LIMCH1: variants seen among roughly 807,000 people sequenced by gnomAD.
LIMCH1 encodes the protein LIM and calponin homology domains 1.
LIMCH1 carries 113 observed loss-of-function variants against 176.5 expected under a neutral mutation model. The observed-to-expected ratio is 0.64, with a 90% CI of 0.55 to 0.75. LIMCH1 has a LOEUF of 0.75. Among genes scored for constraint, LIMCH1 ranks in the 30% least tolerant of loss-of-function variants. LIMCH1 has a pLI of 0.00. For missense variants in LIMCH1, 1,674 were observed against 1,814.9 expected, an observed-to-expected ratio of 0.92 and a Z score of 1.41; for synonymous variants, 619 against 645.9, an observed-to-expected ratio of 0.96 and a Z score of 0.63.
chr4:41,378,086 C>T (rs559061314), intron 1 of LIMCH1, among the ~76,000 whole-genome samples: 1 of 152,298 alleles, frequency 6.6e-6, no homozygotes, highest in South Asian at 2.1e-4. Context: ...GGAGAGGTGA[C>T]AGCAATGGCT....
chr4:41,690,597 T>C (rs1724762969), intron 30 of LIMCH1, among the ~76,000 whole-genome samples: 1 of 152,214 alleles, frequency 6.6e-6, no homozygotes, highest in African/African-American at 2.4e-5. Flanking sequence ...TGGATTTTCT[T>C]TTATTTCTTG....
chr4:41,487,171 T>C (rs1309487515), intron 1 of LIMCH1, among the ~76,000 whole-genome samples: 7 of 152,200 alleles, frequency 4.6e-5, no homozygotes, highest in African/African-American at 1.7e-4. Flanking sequence ...GAATCTGTGT[T>C]TCTAACATGA....
At chr4:41,619,573 G>T (rs2092405097) in intron 6 of LIMCH1, 133 bp downstream of exon 6, 1 of 1,201,588 alleles carries the variant, frequency 8.3e-7, no homozygotes, top group Non-Finnish European at 1.2e-6. Context: ...AGGTGGGTGG[G>T]ACAGATCTTT....
chr4:41,552,807 A>G lies in LIMCH1; in HGVS notation c.-241+14457A>G, dbSNP rs78892352. ...ATTACTATTTGATTATGATAATTTT[A>G]AAGCATTATATAATCAGAAGTAAGA... On this transcript the variant is annotated intron_variant, in intron 1 of 31. Transcript: ENST00000503057. 2.0e-4 allele frequency among the ~76,000 whole-genome samples: 30 copies of G among 152,314 alleles called. No homozygotes were observed. The East Asian group carries it at 4.8e-3, about 24-fold the overall frequency.
intron 17 of LIMCH1, 45 bp from the exon 18 acceptor site, chr4:41,650,348 T>G: frequency 7.4e-7 from 1 of 1,347,842 alleles, no homozygotes; most frequent in Non-Finnish European, 1.1e-6. Context: ...CAGTCTTTGA[T>G]TGGGGTATAT....
At chr4:41,680,135 C>A (rs1358685762) in intron 24 of LIMCH1, 37 bp downstream of exon 24, 4 of 1,382,142 alleles carry the variant, frequency 2.9e-6, no homozygotes, top group Non-Finnish European at 2.0e-6. Flanking sequence ...ACCTTGTCAT[C>A]CCAATTCCTC....
At chr4:41,380,253 T>C (rs2055444415) in intron 1 of LIMCH1, among the ~76,000 whole-genome samples, 1 of 152,240 alleles carries the variant, frequency 6.6e-6, no homozygotes, top group Admixed American at 6.5e-5. Flanking sequence ...AAGTTTTGAT[T>C]AGTTCTGGAA....
chr4:41,674,607 A>G (rs892811641), intron 22 of LIMCH1, among the ~76,000 whole-genome samples: 2 of 151,682 alleles, frequency 1.3e-5, no homozygotes, highest in Admixed American at 1.3e-4. Context: ...TGTAAGTTGA[A>G]AATACTTTAA....
intron 17 of LIMCH1, among the ~76,000 whole-genome samples, chr4:41,649,267 G>T (rs544798865): frequency 1.3e-5 from 2 of 152,250 alleles, no homozygotes; most frequent in South Asian, 2.1e-4. Flanking sequence ...AGCCATGTTG[G>T]CATACGCCTG....
At chr4:41,527,601 C>T (rs1273762777) in intron 3 of LIMCH1, among the ~76,000 whole-genome samples, 1 of 152,014 alleles carries the variant, frequency 6.6e-6, no homozygotes, top group Non-Finnish European at 1.5e-5. Context: ...TTTGGGAGGC[C>T]GAGGCGGGCG....
chr4:41,460,319 T>C (rs1211788926), intron 1 of LIMCH1, among the ~76,000 whole-genome samples: 1 of 151,862 alleles, frequency 6.6e-6, no homozygotes, highest in African/African-American at 2.4e-5. Context: ...AGCGCAGATG[T>C]AGAATATTTT....
At chr4:41,546,630 A>G (rs745718048) in intron 1 of LIMCH1, among the ~76,000 whole-genome samples, 1 of 151,864 alleles carries the variant, frequency 6.6e-6, no homozygotes, top group Non-Finnish European at 1.5e-5. Flanking sequence ...CTATTTTCTT[A>G]CCTGATTTTC....
At chr4:41,467,905 C>CA (rs1212499319) in intron 1 of LIMCH1, among the ~76,000 whole-genome samples, 4 of 152,196 alleles carry the variant, frequency 2.6e-5, no homozygotes, top group Non-Finnish European at 2.9e-5. Context: ...GAAGCATTGA[C>CA]ACGTGCGGGA....
intron 10 of LIMCH1, among the ~76,000 whole-genome samples, chr4:41,632,480 A>G (rs1418242644): frequency 2.0e-5 from 3 of 152,082 alleles, no homozygotes; most frequent in Non-Finnish European, 2.9e-5. Flanking sequence ...TTAATAAGAA[A>G]TACGTCCTCG....
rs1213205215 is a variant in LIMCH1 at position 41,401,974 on chromosome 4, G to C, written c.96+41038G>C. Among the ~76,000 whole-genome samples, 4 of 152,182 alleles carry C rather than the reference G, an allele frequency of 2.6e-5. No homozygotes were observed. The East Asian group carries it at 7.7e-4, about 29-fold the overall frequency. On this transcript the variant is annotated intron_variant, in intron 1 of 26. Coordinates refer to the LIMCH1 transcript ENST00000313860. ...TTCTAGATATACAATCGTGTCGTCT[G>C]CAAACAGGGACAATTTGACTTCCTG...
chr4:41,363,861 A>C (rs760588954), intron 1 of LIMCH1, among the ~76,000 whole-genome samples: 1 of 152,110 alleles, frequency 6.6e-6, no homozygotes, highest in African/African-American at 2.4e-5. Context: ...GTTTGGGAAG[A>C]CTCCTAGAGG....
At chr4:41,656,649 C>T (rs546964375) in intron 18 of LIMCH1, among the ~76,000 whole-genome samples, 1 of 152,116 alleles carries the variant, frequency 6.6e-6, no homozygotes, top group Non-Finnish European at 1.5e-5. Context: ...AAAAGAGAAA[C>T]CCATGCACAG....
chr4:41,655,936 C>T (rs538237041), intron 18 of LIMCH1, among the ~76,000 whole-genome samples: 31 of 152,166 alleles, frequency 2.0e-4, no homozygotes, highest in Non-Finnish European at 4.1e-4. Flanking sequence ...CTGTGTCACT[C>T]CTTTCCATGC....
intron 7 of LIMCH1, 123 bp downstream of exon 7, chr4:41,620,813 G>C (rs765643112): frequency 2.7e-6 from 3 of 1,124,546 alleles, no homozygotes; most frequent in Non-Finnish European, 2.5e-6. Flanking sequence ...TTGCATCACT[G>C]TTCCCTGCTC....
Sources: gnomAD v4.1 joint callset for allele counts (sites outside exome capture counted in the v4.1 genomes callset) on GRCh38, gnomAD v4.1.1 for gene constraint, MANE v1.5 for transcripts, NCBI Gene and HGNC (gene_info 2026-07-23, HGNC 2026-07-21) for gene names.